Variants in PALM2AKAP2 observed in about 807,000 individuals in gnomAD.
PALM2AKAP2 encodes PALM2-AKAP2 fusion protein.
A neutral mutation model predicts 71.5 loss-of-function variants in PALM2AKAP2; 37 were observed. That is an observed-to-expected ratio of 0.52 (90% CI 0.40 to 0.68). The LOEUF is 0.68. Among genes scored for constraint, PALM2AKAP2 ranks in the 30% least tolerant of loss-of-function variants. PALM2AKAP2 has a pLI of 0.00. For synonymous variants in PALM2AKAP2, 468 were observed against 478.8 expected (o/e 0.98, Z 0.29); for missense variants, 1,224 against 1,191.8 (o/e 1.03, Z -0.40).
At chr9:110,170,904 C>G (rs1203085758) in exon 4 of PALM2AKAP2, 1 of 152,556 alleles carries the variant, frequency 6.6e-6, no homozygotes, top group East Asian at 1.9e-4. Flanking sequence ...ACAGAGGAGG[C>G]AGCAGCATTG....
chr9:109,662,486 T>A (rs1827414372), intron 1 of PALM2AKAP2, among the ~76,000 whole-genome samples: 1 of 152,242 alleles, frequency 6.6e-6, no homozygotes, highest in Admixed American at 6.5e-5. Context: ...TTTGTGTATA[T>A]TGAACCAGCT....
rs574212943 is a variant in PALM2AKAP2 at position 110,155,564 on chromosome 9, G to A, written c.2570-755G>A. Among the ~76,000 whole-genome samples, 17 of 152,260 alleles carry A rather than the reference G, an allele frequency of 1.1e-4. No individual in the cohort carries two copies. In the South Asian group the frequency reaches 3.1e-3, roughly 28 times the overall value. Reference sequence around the variant, plus strand: ...TCTCTCCATCCTGAGGATTCTTGGAGGACATTGCGAGAGCTAAAATCTCCT... The same window carrying A: ...TCTCTCCATCCTGAGGATTCTTGGAAGACATTGCGAGAGCTAAAATCTCCT... On this transcript the variant is annotated intron_variant, in intron 2 of 3. Coordinates refer to ENST00000374525, the Ensembl canonical transcript of PALM2AKAP2.
intron 3 of PALM2AKAP2, among the ~76,000 whole-genome samples, chr9:109,912,551 A>G (rs1830592775): frequency 6.6e-6 from 1 of 152,244 alleles, no homozygotes; most frequent in Non-Finnish European, 1.5e-5. Flanking sequence ...TGCCATAGAA[A>G]CAAATGCGCT....
intron 3 of PALM2AKAP2, among the ~76,000 whole-genome samples, chr9:110,166,058 T>C (rs1047872998): frequency 6.6e-6 from 1 of 152,224 alleles, no homozygotes; most frequent in African/African-American, 2.4e-5. Context: ...TTTTATACAA[T>C]GTAGAGTTCT....
chr9:110,150,683 C>T (rs999771183), intron 2 of PALM2AKAP2, among the ~76,000 whole-genome samples: 3 of 152,224 alleles, frequency 2.0e-5, no homozygotes, highest in African/African-American at 7.2e-5. Flanking sequence ...CTGCCCACCA[C>T]AGGAGGCAAC....
intron 1 of PALM2AKAP2, among the ~76,000 whole-genome samples, chr9:109,665,994 G>A (rs1010442330): frequency 6.6e-6 from 1 of 152,268 alleles, no homozygotes; most frequent in Admixed American, 6.5e-5. Flanking sequence ...GAGGTGCACA[G>A]CCAGGTACGG....
chr9:109,924,246 G>C (rs929276693), intron 4 of PALM2AKAP2, among the ~76,000 whole-genome samples: 11 of 152,096 alleles, frequency 7.2e-5, no homozygotes, highest in African/African-American at 2.4e-4. Context: ...ATTATAAAAA[G>C]GCCAGAAGCA....
rs954372916 is a variant in PALM2AKAP2 at position 109,960,210 on chromosome 9, C to G, written c.496+28182C>G. The stretch of plus-strand genomic sequence containing the variant: ...TCATGTCCCTCTTCCCCTGGAGAAG[C>G]CTTCATCCTGCTCAGCCCAGCTGCA... On this transcript the variant is annotated intron_variant, in intron 6 of 9. Coordinates refer to the PALM2AKAP2 transcript ENST00000302798. 2.6e-5 allele frequency among the ~76,000 whole-genome samples: 4 copies of G among 152,220 alleles called. No homozygotes were observed. The Middle Eastern group carries it at 0.01, about 388-fold the overall frequency.
At chr9:109,907,781 G>A (rs1007934029) in intron 3 of PALM2AKAP2, among the ~76,000 whole-genome samples, 1 of 152,156 alleles carries the variant, frequency 6.6e-6, no homozygotes, top group East Asian at 1.9e-4. Context: ...TGTCAAGCAC[G>A]GAAAACACAG....
chr9:109,667,997 C>T lies in PALM2AKAP2; in HGVS notation c.5+27131C>T, dbSNP rs1241566844. ...TGTCGCCCAGGCTGGAGTGCAGTGG[C>T]GGGATCTCGGCTCACTGCAAGCTCT... On this transcript the variant is annotated intron_variant, in intron 1 of 6. Coordinates refer to the PALM2AKAP2 transcript ENST00000374531. 6.8e-4 allele frequency among the ~76,000 whole-genome samples: 10 copies of T among 14,750 alleles called. 2 individuals are homozygous for T. Among genetic ancestry groups the T allele is most frequent in the African/African-American group, 2.2e-3 (2 of 892 alleles). 9.7% of individuals were successfully genotyped at this position (14,750 alleles called of 152,430 possible).
At chr9:109,703,656 G>A (rs1236209673) in intron 1 of PALM2AKAP2, among the ~76,000 whole-genome samples, 4 of 151,648 alleles carry the variant, frequency 2.6e-5, no homozygotes, top group Non-Finnish European at 4.4e-5. Context: ...ATGAAAATCA[G>A]AAATAAACCC....
intron 3 of PALM2AKAP2, among the ~76,000 whole-genome samples, chr9:109,904,316 A>G (rs1432368001): frequency 6.6e-6 from 1 of 152,224 alleles, no homozygotes; most frequent in Non-Finnish European, 1.5e-5. Context: ...TACCTATAAC[A>G]TGGGAATAAA....
intron 1 of PALM2AKAP2, among the ~76,000 whole-genome samples, chr9:109,649,308 A>G (rs1827194520): frequency 6.6e-6 from 1 of 152,084 alleles, no homozygotes; most frequent in South Asian, 2.1e-4. Context: ...ATTGCTCTCC[A>G]TAACTATTAA....
At chr9:110,111,853 C>T (rs1355798328) in intron 1 of PALM2AKAP2, among the ~76,000 whole-genome samples, 12 of 152,286 alleles carry the variant, frequency 7.9e-5, no homozygotes, top group Admixed American at 6.5e-4. Flanking sequence ...CATTGCACAG[C>T]TTGAGATGTT....
At chr9:110,023,301 G>GTTTTTTTTTTTTTTTT (rs1292412365) in intron 7 of PALM2AKAP2, among the ~76,000 whole-genome samples, 1 of 101,418 alleles carries the variant, frequency 9.9e-6, no homozygotes, top group African/African-American at 4.1e-5. Flanking sequence ...TCTCATTGTG[G>GTTTTTTTTTTTTTTTT]TTTCTTTTTT....
chr9:109,998,348 T>G (rs142140856), intron 6 of PALM2AKAP2, among the ~76,000 whole-genome samples: 3,027 of 152,230 alleles, frequency 0.02, 151 homozygotes, highest in Admixed American at 0.11. Context: ...GGCTCCAGAC[T>G]TCCTCAAAGT....
chr9:109,914,584 G>T (rs1830642787), intron 3 of PALM2AKAP2, among the ~76,000 whole-genome samples: 1 of 152,210 alleles, frequency 6.6e-6, no homozygotes, highest in Non-Finnish European at 1.5e-5. Context: ...TGGCAGGTTG[G>T]CCAGACAGGC....
chr9:110,089,551 A>G (rs1372130827), intron 1 of PALM2AKAP2, among the ~76,000 whole-genome samples: 1 of 152,222 alleles, frequency 6.6e-6, no homozygotes, highest in Admixed American at 6.5e-5. Flanking sequence ...AGACAGGACA[A>G]TGTTTAAAAA....
intron 1 of PALM2AKAP2, among the ~76,000 whole-genome samples, chr9:109,825,675 C>T (rs1251781723): frequency 3.3e-5 from 5 of 152,318 alleles, no homozygotes; most frequent in African/African-American, 7.2e-5. Flanking sequence ...TACCATCTCA[C>T]ACCAGTTAGA....
Sources: allele counts gnomAD v4.1 joint callset (sites outside exome capture counted in the v4.1 genomes callset), GRCh38; gene constraint gnomAD v4.1.1; transcripts MANE v1.5; gene names NCBI Gene and HGNC (gene_info 2026-07-23, HGNC 2026-07-21).